Variants in SGCZ observed in about 807,000 individuals in gnomAD.
SGCZ encodes zeta-sarcoglycan.
A neutral mutation model predicts 41.3 loss-of-function variants in SGCZ; 40 were observed. The observed-to-expected ratio is 0.97, with a 90% CI of 0.75 to 1.26. SGCZ has a LOEUF of 1.26. Ranked by LOEUF, SGCZ falls within the 50% of genes most tolerant of loss-of-function variation. The pLI is 0.00. For synonymous variants in SGCZ, 206 were observed against 137.5 expected (o/e 1.50, Z -3.49); for missense variants, 552 against 369.8 (o/e 1.49, Z -4.04).
intron 1 of SGCZ, among the ~76,000 whole-genome samples, chr8:15,016,159 T>C (rs1244828850): frequency 6.6e-6 from 1 of 152,138 alleles, no homozygotes; most frequent in Non-Finnish European, 1.5e-5. Context: ...CCTCCAAACA[T>C]TTCTGGAATT....
At chr8:14,111,064 A>C (rs1802356727) in intron 5 of SGCZ, among the ~76,000 whole-genome samples, 1 of 128,184 alleles carries the variant, frequency 7.8e-6, no homozygotes, top group Admixed American at 8.3e-5. Flanking sequence ...AAATAATAAC[A>C]ACAACAACAA....
At chr8:14,998,075 G>A (rs964308903) in intron 1 of SGCZ, among the ~76,000 whole-genome samples, 1 of 152,096 alleles carries the variant, frequency 6.6e-6, no homozygotes, top group East Asian at 1.9e-4. Flanking sequence ...ATTCAACTAC[G>A]AAGTAACACA....
intron 1 of SGCZ, among the ~76,000 whole-genome samples, chr8:14,963,375 A>G (rs1189266921): frequency 2.7e-5 from 4 of 147,968 alleles, no homozygotes; most frequent in Non-Finnish European, 4.4e-5. Flanking sequence ...GTCTCACTCT[A>G]TTGCCGAGCC....
At chr8:14,650,268 C>G (rs143228789) in intron 1 of SGCZ, among the ~76,000 whole-genome samples, 1 of 152,064 alleles carries the variant, frequency 6.6e-6, no homozygotes, top group Non-Finnish European at 1.5e-5. Context: ...CCTGACTCCC[C>G]ACTCTTCATC....
intron 1 of SGCZ, among the ~76,000 whole-genome samples, chr8:14,707,270 G>A (rs1563215892): frequency 1.4e-5 from 2 of 144,632 alleles, no homozygotes; most frequent in South Asian, 4.3e-4. Flanking sequence ...ACCTATGAGT[G>A]AGAACATACA....
At chr8:14,207,681 T>C (rs1394612415) in intron 4 of SGCZ, among the ~76,000 whole-genome samples, 1 of 152,182 alleles carries the variant, frequency 6.6e-6, no homozygotes, top group East Asian at 1.9e-4. Flanking sequence ...ACAAAGTATG[T>C]GTAGATTGCC....
chr8:14,180,601 A>T (rs1804690756), intron 4 of SGCZ, among the ~76,000 whole-genome samples: 2 of 152,166 alleles, frequency 1.3e-5, no homozygotes. Flanking sequence ...GTACTGTTCC[A>T]GGAGTGCTCT....
intron 1 of SGCZ, among the ~76,000 whole-genome samples, chr8:14,943,966 T>C (rs962060161): frequency 5.3e-5 from 8 of 152,296 alleles, no homozygotes; most frequent in African/African-American, 1.9e-4. Context: ...CTTTATCCAG[T>C]CTACTGTGTT....
chr8:14,684,724 C>G (rs1478941574), intron 1 of SGCZ, among the ~76,000 whole-genome samples: 1 of 150,302 alleles, frequency 6.7e-6, no homozygotes, highest in Non-Finnish European at 1.5e-5. Flanking sequence ...TTTGGTAAAA[C>G]AGTTTAACAG....
At chr8:14,387,491 C>T (rs1221646674) in intron 2 of SGCZ, among the ~76,000 whole-genome samples, 1 of 152,118 alleles carries the variant, frequency 6.6e-6, no homozygotes, top group Non-Finnish European at 1.5e-5. Context: ...CACATTCATT[C>T]ACTGTAATTA....
At chr8:14,975,807 A>ATG (rs1302792222) in intron 1 of SGCZ, among the ~76,000 whole-genome samples, 37 of 112,456 alleles carry the variant, frequency 3.3e-4, no homozygotes, top group Admixed American at 7.7e-4. Flanking sequence ...ATATATATAT[A>ATG]TATGTGTGTG....
At chr8:15,060,553 A>T (rs1804886673) in intron 1 of SGCZ, among the ~76,000 whole-genome samples, 1 of 150,882 alleles carries the variant, frequency 6.6e-6, no homozygotes. Context: ...TAGCATTAGG[A>T]GATATACCTA....
intron 3 of SGCZ, among the ~76,000 whole-genome samples, chr8:14,292,153 T>C (rs12115157): frequency 0.97 from 147,026 of 152,090 alleles, 71,242 homozygotes; most frequent in East Asian, 1. Flanking sequence ...AAAAACTTAT[T>C]AAGTACGAAC....
At chr8:14,639,798 C>T (rs1168430055) in intron 1 of SGCZ, among the ~76,000 whole-genome samples, 1 of 150,456 alleles carries the variant, frequency 6.6e-6, no homozygotes, top group Admixed American at 6.7e-5. Flanking sequence ...TTTCTTGATA[C>T]AGGATAATTT....
chr8:15,063,419 A>G (rs1420986855), intron 1 of SGCZ, among the ~76,000 whole-genome samples: 1 of 152,198 alleles, frequency 6.6e-6, no homozygotes. Context: ...AAGTTATATT[A>G]CAAAGAAAAC....
At chr8:14,817,130 T>C (rs1801928315) in intron 1 of SGCZ, among the ~76,000 whole-genome samples, 1 of 152,190 alleles carries the variant, frequency 6.6e-6, no homozygotes, top group Non-Finnish European at 1.5e-5. Context: ...CTTCATTACA[T>C]GTTGCACACT....
chr8:15,102,038 T>A (rs1418775774), intron 1 of SGCZ, among the ~76,000 whole-genome samples: 1 of 152,150 alleles, frequency 6.6e-6, no homozygotes, highest in African/African-American at 2.4e-5. Context: ...TACCATCTGA[T>A]CCAGCAATCA....
intron 1 of SGCZ, among the ~76,000 whole-genome samples, chr8:14,645,449 G>C (rs1415034644): frequency 3.4e-5 from 4 of 117,510 alleles, no homozygotes; most frequent in Middle Eastern, 4.0e-3. Context: ...TGACCAATTA[G>C]AAAAGTATCA....
At chr8:14,600,190 T>C (rs1805541512) in intron 1 of SGCZ, among the ~76,000 whole-genome samples, 1 of 152,192 alleles carries the variant, frequency 6.6e-6, no homozygotes, top group South Asian at 2.1e-4. Context: ...GATCTTATTC[T>C]GCCTCCCTGC....
Sources: gnomAD v4.1 joint callset for allele counts (sites outside exome capture counted in the v4.1 genomes callset) on GRCh38, gnomAD v4.1.1 for gene constraint, MANE v1.5 for transcripts, NCBI Gene and HGNC (gene_info 2026-07-23, HGNC 2026-07-21) for gene names.